USH2A: variants seen among roughly 807,000 people sequenced by gnomAD.
USH2A encodes the protein usherin, also known as Usher syndrome 2A (autosomal recessive, mild).
USH2A carries 443 observed loss-of-function variants against 538.9 expected under a neutral mutation model. The ratio of observed to expected loss-of-function variants is 0.82; its 90% CI spans 0.76 to 0.89. The LOEUF (loss-of-function observed/expected upper bound fraction) is 0.89, where lower values mean the gene tolerates loss of function less well. Among genes scored for constraint, USH2A ranks in the 40% least tolerant of loss-of-function variants. USH2A has a pLI of 0.00. For synonymous variants in USH2A, 2,413 were observed against 2,273.5 expected, an observed-to-expected ratio of 1.06 and a Z score of -1.75; for missense variants, 6,633 against 6,324.8, an observed-to-expected ratio of 1.05 and a Z score of -1.65.
chr1:216,229,929 G>C (rs2035643523), intron 14 of USH2A, among the ~76,000 whole-genome samples: 1 of 152,142 alleles, frequency 6.6e-6, no homozygotes, highest in Non-Finnish European at 1.5e-5. Context: ...AGGAAGCAGT[G>C]TAATGAAGGG....
Position 215,715,555 on chromosome 1 carries a change from T to C in USH2A, c.12066+12475A>G, listed in dbSNP as rs41314450. Among the ~76,000 whole-genome samples the C allele has an allele frequency of 6.0e-3, 917 of 152,282 alleles. 3 individuals are homozygous for C. Among genetic ancestry groups the C allele is most frequent in the Non-Finnish European group, 8.9e-3 (605 of 68,022 alleles). ...GAATAAAGCACTAGATGGACAGGTC[T>C]TTTCTCCCTAGAAAACTTCCAGAGG... On this transcript the variant is annotated intron_variant, in intron 61 of 71. Coordinates refer to ENST00000307340, the MANE Select transcript of USH2A (RefSeq NM_206933.4).
chr1:216,216,914 G>A (rs1003327462), intron 15 of USH2A, among the ~76,000 whole-genome samples: 1 of 151,920 alleles, frequency 6.6e-6, no homozygotes, highest in Non-Finnish European at 1.5e-5. Flanking sequence ...ACAACTAATG[G>A]TATAATACTG....
At chr1:216,334,898 A>G (rs562142739) in intron 4 of USH2A, among the ~76,000 whole-genome samples, 1 of 151,870 alleles carries the variant, frequency 6.6e-6, no homozygotes, top group Non-Finnish European at 1.5e-5. Context: ...GAGAGCAACT[A>G]CACAGAATAC....
chr1:215,721,185 C>T (rs1376940238), intron 61 of USH2A, among the ~76,000 whole-genome samples: 1 of 152,124 alleles, frequency 6.6e-6, no homozygotes, highest in Non-Finnish European at 1.5e-5. Flanking sequence ...AGAAATTCCC[C>T]TGCCTCAGCC....
chr1:215,836,498 A>ATAAT (rs1491303511), intron 47 of USH2A, among the ~76,000 whole-genome samples: 2 of 17,776 alleles, frequency 1.1e-4, no homozygotes, highest in African/African-American at 3.1e-4. Flanking sequence ...TTATATATAT[A>ATAAT]ATATATATTA....
At chr1:215,917,523 T>C (rs545409187) in intron 38 of USH2A, among the ~76,000 whole-genome samples, 27 of 152,108 alleles carry the variant, frequency 1.8e-4, no homozygotes, top group Non-Finnish European at 2.8e-4. Context: ...TTTGTGAAAT[T>C]AAAAATTGAT....
chr1:215,850,526 T>C (rs1189448789), intron 44 of USH2A, among the ~76,000 whole-genome samples: 1 of 152,082 alleles, frequency 6.6e-6, no homozygotes. Flanking sequence ...GAATGGTGGA[T>C]TCACTAGATG....
intron 21 of USH2A, among the ~76,000 whole-genome samples, chr1:216,113,217 T>C (rs1446665604): frequency 6.6e-6 from 1 of 151,862 alleles, no homozygotes; most frequent in Non-Finnish European, 1.5e-5. Flanking sequence ...GCTATAGTGC[T>C]GATTTCCTGA....
chr1:216,329,376 T>G (rs1023907375), intron 4 of USH2A, among the ~76,000 whole-genome samples: 1 of 152,134 alleles, frequency 6.6e-6, no homozygotes, highest in Non-Finnish European at 1.5e-5. Flanking sequence ...GGACATGTCA[T>G]TCTTAGAAGA....
chr1:215,718,492 G>C (rs17025217), intron 61 of USH2A, among the ~76,000 whole-genome samples: 2 of 152,122 alleles, frequency 1.3e-5, no homozygotes, highest in African/African-American at 4.8e-5. Flanking sequence ...CAATGTTAAT[G>C]GTCTTTCAAC....
At chr1:215,679,568 T>C (rs1330049725) in intron 62 of USH2A, among the ~76,000 whole-genome samples, 2 of 152,206 alleles carry the variant, frequency 1.3e-5, no homozygotes, top group African/African-American at 2.4e-5. Flanking sequence ...TGCAGGCTAT[T>C]CATGAAAATA....
chr1:216,174,407 T>C, intron 21 of USH2A: 5 of 985,222 alleles, frequency 5.1e-6, no homozygotes, highest in Non-Finnish European at 6.0e-6. Flanking sequence ...AAGCTGTAAG[T>C]CACAGAGGTC....
chr1:215,671,006 G>A lies in USH2A; in HGVS notation c.14099C>T (p.Ser4700Phe). 1.9e-6 allele frequency: 3 copies of A among 1,614,124 alleles called. No individual in the cohort carries two copies. Among genetic ancestry groups the A allele is most frequent in the Non-Finnish European group, 2.5e-6 (3 of 1,179,994 alleles). The change falls in exon 64 of 72, where the codon TCC (serine) becomes TTC (phenylalanine). Residue 4700 changes from serine to phenylalanine, a missense_variant. Transcript: ENST00000307340. The stretch of plus-strand genomic sequence containing the variant: ...ATACTCTGTGAAAGGCAATAGTTCG[G>A]AATCTATAAAAGATGTTGAGCTTCC... ...YNGSSTSFID[S>F]ELLPFTEYEY...
chr1:216,323,436 G>A (rs1198650658), intron 8 of USH2A, 38 bp downstream of exon 8: 1 of 1,601,456 alleles, frequency 6.2e-7, no homozygotes, highest in Non-Finnish European at 8.6e-7. Context: ...CAGTAAGTAT[G>A]ACAAAAACCT....
intron 21 of USH2A, among the ~76,000 whole-genome samples, chr1:216,152,249 G>A (rs1467342005): frequency 6.6e-6 from 1 of 152,160 alleles, no homozygotes; most frequent in African/African-American, 2.4e-5. Context: ...CATCCCCTGT[G>A]ACCTGCACGT....
intron 3 of USH2A, among the ~76,000 whole-genome samples, chr1:216,400,387 A>G (rs981384685): frequency 1.3e-5 from 2 of 151,238 alleles, no homozygotes; most frequent in African/African-American, 4.9e-5. Flanking sequence ...AACAAATAAG[A>G]AAAGAGAGAT....
At chr1:216,258,731 C>A (rs745779601) in intron 11 of USH2A, among the ~76,000 whole-genome samples, 6 of 152,056 alleles carry the variant, frequency 3.9e-5, no homozygotes, top group Non-Finnish European at 5.9e-5. Flanking sequence ...TGTCCAACAT[C>A]TAGCAAACAA....
At position 216,300,964 on chromosome 1, in the gene USH2A, C is replaced by T. The variant is rs543117967; in HGVS notation, c.1645-8594G>A. 1.3e-3 allele frequency among the ~76,000 whole-genome samples: 201 copies of T among 151,704 alleles called. 1 individual carries two copies. Among genetic ancestry groups the T allele is most frequent in the African/African-American group, 4.1e-3 (171 of 41,414 alleles). On this transcript the variant is annotated intron_variant, in intron 9 of 71. Transcript: ENST00000307340. ...AGGGTTTCACCTTGTTGCCCAGGCT[C>T]GTCTCAAACTCCTGACTTCAAGTGA...
At chr1:216,328,956 A>C (rs1437669723) in intron 4 of USH2A, among the ~76,000 whole-genome samples, 5 of 152,194 alleles carry the variant, frequency 3.3e-5, no homozygotes, top group African/African-American at 1.2e-4. Flanking sequence ...ATGTAGTCTA[A>C]GAAAAATACA....
Sources: gnomAD v4.1 joint callset for allele counts (sites outside exome capture counted in the v4.1 genomes callset) on GRCh38, gnomAD v4.1.1 for gene constraint, MANE v1.5 for transcripts, NCBI Gene and HGNC (gene_info 2026-07-23, HGNC 2026-07-21) for gene names.